The following TBX2 variants were observed in gnomAD, a reference collection of about 807,000 sequenced individuals.
The protein encoded by TBX2 is T-box transcription factor TBX2.
Under a neutral mutation model 48.4 loss-of-function variants are expected in TBX2, and 19 were observed. The ratio of observed to expected loss-of-function variants is 0.39; its 90% CI spans 0.27 to 0.58. The LOEUF (loss-of-function observed/expected upper bound fraction) is 0.58. TBX2 is among the 20% of genes least tolerant of loss of function. The probability of loss-of-function intolerance (pLI) is 0.54; values close to 1 mark genes in which losing one functional copy is unlikely to be tolerated. For synonymous variants in TBX2, 522 were observed against 459.7 expected, an observed-to-expected ratio of 1.14 and a Z score of -1.73; for missense variants, 994 against 1,006.5, an observed-to-expected ratio of 0.99 and a Z score of 0.17.
At chr17:61,402,172 G>A (rs1450950846) in intron 2 of TBX2, among the ~76,000 whole-genome samples, 1 of 152,190 alleles carries the variant, frequency 6.6e-6, no homozygotes, top group Non-Finnish European at 1.5e-5. Flanking sequence ...GTCAGTGGCT[G>A]GCAGCTCACA....
chr17:61,405,244 A>G lies in TBX2; in HGVS notation c.1094A>G (p.Glu365Gly), dbSNP rs1362107893. The change falls in exon 6 of 7, where the codon GAG becomes GGG. Residue 365 changes from glutamate (E) to glycine (G), a missense_variant. This residue lies in a region of TBX2 where 639 missense variants were observed against 613.2 expected (regional missense o/e 1.04). Transcript: ENST00000240328. The part of the protein sequence containing the change: ...SCAADSDPEP[E>G]RLSEERAGAP... ...GCCGCGGACAGCGACCCGGAGCCTG[A>G]GCGGTTGAGCGAGGAGCGTGCGGGG... 1.9e-6 allele frequency: 3 copies of G among 1,570,800 alleles called. No individual in the cohort carries two copies. The African/African-American group carries it at 4.0e-5, about 21-fold the overall frequency.
intron 5 of TBX2, 98 bp from the exon 6 acceptor site, chr17:61,405,104 G>T: frequency 3.3e-6 from 5 of 1,500,722 alleles, no homozygotes; most frequent in African/African-American, 1.4e-5. Flanking sequence ...CAGCTCCTCC[G>T]ACTCGGCCTC....
intron 6 of TBX2, 160 bp downstream of exon 6, chr17:61,405,996 G>C (rs956515086): frequency 1.4e-6 from 1 of 693,796 alleles, no homozygotes; most frequent in African/African-American, 1.9e-5. Context: ...TAGGACACCT[G>C]GGTTCTGAGA....
At chr17:61,405,032 T>C in intron 5 of TBX2, 170 bp from the exon 6 acceptor site, 1 of 1,415,186 alleles carries the variant, frequency 7.1e-7, no homozygotes, top group African/African-American at 1.4e-5. Context: ...GCTGGGTTCC[T>C]TCCACTGTAA....
chr17:61,402,192 C>T (rs2060266370), intron 2 of TBX2, among the ~76,000 whole-genome samples: 1 of 152,160 alleles, frequency 6.6e-6, no homozygotes, highest in South Asian at 2.1e-4. Flanking sequence ...AATCTCAGTT[C>T]CTCAGGCCGT....
At chr17:61,402,832 G>A (rs1351606771) in intron 2 of TBX2, among the ~76,000 whole-genome samples, 4 of 151,540 alleles carry the variant, frequency 2.6e-5, no homozygotes, top group East Asian at 3.9e-4. Flanking sequence ...AGAAAAAGAA[G>A]CTGTGAAAAG....
rs1031222739 is a variant in TBX2 at position 61,405,641 on chromosome 17, C to A, written c.1491C>A (p.Thr497=). ...QPLFLHPGQF[T]MGPGAFSAMG... ...TCTTCCTGCACCCTGGACAGTTCAC[C>A]ATGGGCCCTGGCGCCTTCTCCGCCA... The change falls in exon 6 of 7, where the codon ACC becomes ACA. Residue 497 remains threonine, a synonymous_variant. Transcript: ENST00000240328. 1.3e-6 allele frequency: 2 copies of A among 1,522,528 alleles called. No individual in the cohort carries two copies. Among genetic ancestry groups the A allele is most frequent in the Non-Finnish European group, 1.8e-6 (2 of 1,139,710 alleles). 94.3% of individuals were successfully genotyped at this position (1,522,528 alleles called of 1,614,324 possible).
intron 2 of TBX2, 131 bp from the exon 3 acceptor site, chr17:61,402,930 T>TAGAG (rs1555876930): frequency 0.056 from 9,448 of 167,406 alleles, 48 homozygotes; most frequent in Non-Finnish European, 0.086. Context: ...GAAGAACCGA[T>TAGAG]AGAGAGAGAG....
intron 2 of TBX2, 85 bp downstream of exon 2, chr17:61,402,036 TCCCAGGGGGAAGCGCTGGGCAAACC>T: frequency 1.3e-6 from 2 of 1,505,450 alleles, no homozygotes; most frequent in Non-Finnish European, 1.8e-6. Context: ...CGGCAGGATC[TCCCAGGGGGAAGCGCTGGGCAAACC>T]CCCAGAGTGC....
chr17:61,400,694 T>A lies in TBX2; in HGVS notation c.395+123T>A. On this transcript the variant is annotated intron_variant, in intron 1 of 6. Coordinates refer to ENST00000240328, the MANE Select transcript of TBX2 (RefSeq NM_005994.4). The surrounding 1 kb of genome is among the most constrained non-coding windows in gnomAD (Gnocchi z 9.2). ...GGCTCCCGGCTCCAGGTTCTGGCCC[T>A]GACGCCACGCTTCGCTCCCACGGAC... 1 of 1,005,084 alleles carries A rather than the reference T, an allele frequency of 9.9e-7. No individual in the cohort carries two copies. The highest frequency in any genetic ancestry group is 1.4e-6 in the Non-Finnish European group (1 of 712,090). 62.3% of individuals were successfully genotyped at this position (1,005,084 alleles called of 1,614,324 possible).
chr17:61,405,523 C>A lies in TBX2; in HGVS notation c.1373C>A (p.Ser458Tyr). Residue 458 changes from serine to tyrosine, a missense_variant, in exon 6 of 7, where the codon TCC becomes TAC. By Grantham distance (144) the Ser-to-Tyr change is moderately radical. Around this residue, in one of 5 missense-constraint regions of TBX2, gnomAD observed 639 missense variants for 613.2 expected, o/e 1.04. Coordinates refer to ENST00000240328, the MANE Select transcript of TBX2 (RefSeq NM_005994.4). ...APLVVQTDSA[S>Y]PLGAGHLPGL... is the part of the protein sequence containing the mutation. The stretch of plus-strand genomic sequence containing the variant: ...CTGGTGGTGCAGACAGACAGTGCGT[C>A]CCCCCTGGGCGCCGGACACCTGCCC... 1.3e-6 allele frequency: 2 copies of A among 1,587,446 alleles called. No homozygotes were observed. The highest frequency in any genetic ancestry group is 8.5e-7 in the Non-Finnish European group (1 of 1,170,084).
Position 61,406,012 on chromosome 17 carries a change from G to T in TBX2, c.1686+176G>T. 2 of 601,756 alleles carry T rather than the reference G, an allele frequency of 3.3e-6. No individual in the cohort carries two copies. The highest frequency in any genetic ancestry group is 4.8e-6 in the Non-Finnish European group (2 of 414,406). The allele number at this position is 601,756 out of a possible 1,614,324, so 37.3% of individuals were successfully genotyped here. On this transcript the variant is annotated intron_variant, in intron 6 of 6. Transcript: ENST00000240328. This position sits in a 1 kb window ranked among gnomAD's most constrained non-coding sequence, Gnocchi z 5.7. ...AGGACACCTGGGTTCTGAGAGACGA[G>T]GACTGTGTTGTAAGTCCAGGGGCTG...
chr17:61,402,696 T>G (rs1189023157), intron 2 of TBX2, among the ~76,000 whole-genome samples: 1 of 152,074 alleles, frequency 6.6e-6, no homozygotes, highest in Non-Finnish European at 1.5e-5. Flanking sequence ...TGTTTTATTT[T>G]GTTTGGGTTT....
chr17:61,408,007 G>GAAGTCTA (rs1220459669), intron 6 of TBX2, 47 bp from the exon 7 acceptor site: 3 of 1,514,318 alleles, frequency 2.0e-6, no homozygotes, highest in African/African-American at 1.4e-5. Flanking sequence ...ACTTCAGAAA[G>GAAGTCTA]ACTTCAGGCA....
chr17:61,400,670 G>GCTCCCGT lies in TBX2; in HGVS notation c.395+105_395+106insTCTCCCG. 4.2e-6 allele frequency: 5 copies of GCTCCCGT among 1,202,656 alleles called. No individual in the cohort carries two copies. Among genetic ancestry groups the GCTCCCGT allele is most frequent in the Non-Finnish European group, 4.5e-6 (4 of 889,650 alleles). 74.5% of individuals were successfully genotyped at this position (1,202,656 alleles called of 1,614,324 possible). On this transcript the variant is annotated intron_variant, in intron 1 of 6. Coordinates refer to ENST00000240328, the MANE Select transcript of TBX2 (RefSeq NM_005994.4). The surrounding 1 kb of genome is among the most constrained non-coding windows in gnomAD (Gnocchi z 9.2). ...CAGAGCTGGGGACTCCCGGCTCCCG[G>GCTCCCGT]CTCCCGGCTCCAGGTTCTGGCCCTG...
chr17:61,403,037 G>A lies in TBX2; in HGVS notation c.664-24G>A, dbSNP rs775599798. ...GCTCGGGCCGGGGCTGGTGGCTGCC[G>A]GCTGACCCCCACCCTCCCCGCAGAC... On this transcript the variant is annotated intron_variant, in intron 2 of 6. Coordinates refer to ENST00000240328, the MANE Select transcript of TBX2 (RefSeq NM_005994.4). The surrounding 1 kb of genome is among the most constrained non-coding windows in gnomAD (Gnocchi z 5.8). 1 of 1,592,958 alleles carries A rather than the reference G, an allele frequency of 6.3e-7. No homozygotes were observed. The highest frequency in any genetic ancestry group is 8.5e-7 in the Non-Finnish European group (1 of 1,171,062).
Position 61,403,488 on chromosome 17 carries a change from CCG to C in TBX2, c.810+282_810+283del, listed in dbSNP as rs2060274108. On this transcript the variant is annotated intron_variant, in intron 3 of 6. Coordinates refer to ENST00000240328, the MANE Select transcript of TBX2 (RefSeq NM_005994.4). The surrounding 1 kb of genome is among the most constrained non-coding windows in gnomAD (Gnocchi z 5.8). ...GTTTACTTAACAATTAGCTGAGACT[CCG>C]GGCCCGCGCTGACATTTTTACATTT... Among the ~76,000 whole-genome samples, 1 of 152,254 alleles carries C rather than the reference CCG, an allele frequency of 6.6e-6. No homozygotes were observed. The highest frequency in any genetic ancestry group is 1.5e-5 in the Non-Finnish European group (1 of 68,046).
In TBX2 at chr17:61,405,243, G is replaced by C. The variant is rs749180743; in HGVS notation, c.1093G>C (p.Glu365Gln). 9 of 1,570,658 alleles carry C rather than the reference G, an allele frequency of 5.7e-6. No individual in the cohort carries two copies. The highest frequency in any genetic ancestry group is 7.7e-6 in the Non-Finnish European group (9 of 1,166,600). Residue 365 changes from glutamate (E) to glutamine (Q), a missense_variant, in exon 6 of 7, where the codon GAG becomes CAG. Coordinates refer to ENST00000240328, the MANE Select transcript of TBX2 (RefSeq NM_005994.4). ...SCAADSDPEP[E>Q]RLSEERAGAP... ...CGCCGCGGACAGCGACCCGGAGCCT[G>C]AGCGGTTGAGCGAGGAGCGTGCGGG...
At position 61,400,190 on chromosome 17, in the gene TBX2, C is replaced by T; in HGVS notation, c.14C>T (p.Ala5Val). Residue 5 changes from alanine to valine, a missense_variant, in exon 1 of 7, where the codon GCG becomes GTG. Physicochemically the swap from Ala to Val is moderately conservative, Grantham distance 64. Coordinates refer to ENST00000240328, the MANE Select transcript of TBX2 (RefSeq NM_005994.4). This position sits in a 1 kb window ranked among gnomAD's most constrained non-coding sequence, Gnocchi z 9.2. MREPALAASAMAYHP... is the reference protein window; with the variant it reads MREPVLAASAMAYHP... ...CCGGATGTCCCGATGAGAGAGCCGG[C>T]GCTGGCGGCCAGCGCCATGGCTTAC... The T allele has an allele frequency of 8.7e-7, 1 of 1,143,790 alleles. No homozygotes were observed. Among genetic ancestry groups the T allele is most frequent in the South Asian group, 2.0e-5 (1 of 50,988 alleles). 70.9% of individuals were successfully genotyped at this position (1,143,790 alleles called of 1,614,324 possible).
Sources: gnomAD v4.1 joint callset for allele counts (sites outside exome capture counted in the v4.1 genomes callset) on GRCh38, gnomAD v4.1.1 for gene constraint, gnomAD v4.1.1 regional missense constraint, Gnocchi (gnomAD v3.1) non-coding constraint, MANE v1.5 for transcripts, NCBI Gene and HGNC (gene_info 2026-07-23, HGNC 2026-07-21) for gene names.